SLC26A5: variants seen among roughly 807,000 people sequenced by gnomAD.
SLC26A5 encodes prestin.
Under a neutral mutation model 81.0 loss-of-function variants are expected in SLC26A5, and 51 were observed. The observed-to-expected ratio is 0.63, with a 90% CI of 0.50 to 0.80. SLC26A5 has a LOEUF of 0.80. Among genes scored for constraint, SLC26A5 ranks in the 30% least tolerant of loss-of-function variants. SLC26A5 has a pLI of 0.00. For missense variants in SLC26A5, 771 were observed against 905.8 expected, an observed-to-expected ratio of 0.85 and a Z score of 1.91; for synonymous variants, 325 against 332.8, an observed-to-expected ratio of 0.98 and a Z score of 0.25.
chr7:103,385,144 T>C (rs1039149473), intron 14 of SLC26A5, among the ~76,000 whole-genome samples: 7 of 151,384 alleles, frequency 4.6e-5, no homozygotes, highest in Admixed American at 1.3e-4. Flanking sequence ...TGCAGAATGA[T>C]GTGATTGTCT....
downstream of SLC26A5, among the ~76,000 whole-genome samples, chr7:103,370,717 G>A (rs189572923): frequency 6.6e-6 from 1 of 152,254 alleles, no homozygotes; most frequent in African/African-American, 2.4e-5. Flanking sequence ...CTAATACAGA[G>A]TCAGTGTCTA....
intron 2 of SLC26A5, among the ~76,000 whole-genome samples, chr7:103,422,387 G>A (rs887738374): frequency 2.6e-5 from 4 of 152,100 alleles, no homozygotes; most frequent in Non-Finnish European, 4.4e-5. Context: ...AAATTTCTGT[G>A]TCATCATCAA....
chr7:103,431,420 T>C (rs1244036133), intron 2 of SLC26A5, among the ~76,000 whole-genome samples: 1 of 151,988 alleles, frequency 6.6e-6, no homozygotes, highest in African/African-American at 2.4e-5. Context: ...CCTCCTGCAC[T>C]CGAGCTGTTC....
At chr7:103,402,393 C>CTTTTTTTTT (rs541398228) in intron 8 of SLC26A5, among the ~76,000 whole-genome samples, 1 of 124,518 alleles carries the variant, frequency 8.0e-6, no homozygotes, top group African/African-American at 3.0e-5. Flanking sequence ...ACGTATTGCT[C>CTTTTTTTTT]TTTTTTTTTT....
chr7:103,403,141 A>G (rs1823742579), intron 8 of SLC26A5, among the ~76,000 whole-genome samples: 1 of 152,188 alleles, frequency 6.6e-6, no homozygotes, highest in Non-Finnish European at 1.5e-5. Context: ...CCCAGTAGTC[A>G]TTCAGGAGCA....
At chr7:103,387,450 C>T (rs1822284278) in intron 14 of SLC26A5, among the ~76,000 whole-genome samples, 1 of 152,200 alleles carries the variant, frequency 6.6e-6, no homozygotes, top group South Asian at 2.1e-4. Flanking sequence ...TCATTTCCCT[C>T]TGTGTTAGAG....
In SLC26A5 at chr7:103,352,915, T is replaced by G. The variant is rs752064401; in HGVS notation, c.2053A>C (p.Arg685=). 19 of 780,878 alleles carry G rather than the reference T, an allele frequency of 2.4e-5. 1 individual carries two copies. Among genetic ancestry groups the G allele is most frequent in the South Asian group, 2.4e-4 (18 of 74,624 alleles). 48.4% of individuals were successfully genotyped at this position (780,878 alleles called of 1,614,324 possible). Residue 685 remains arginine (R), a synonymous_variant, in exon 20 of 20, where the codon AGA becomes CGA. Coordinates refer to the SLC26A5 transcript ENST00000339444. ...CTACGGTCTCCATCTTCTGGTCATC[T>G]CTGTATGAAAGCTGAAACAAGAGGG... is the stretch of plus-strand genomic sequence containing the variant.
At chr7:103,375,101 CAT>C (rs566346407) in intron 19 of SLC26A5, among the ~76,000 whole-genome samples, 1 of 145,584 alleles carries the variant, frequency 6.9e-6, no homozygotes, top group South Asian at 2.2e-4. Flanking sequence ...CATATATATA[CAT>C]ATATATATAA....
At chr7:103,401,345 G>A (rs1823572264) in intron 8 of SLC26A5, among the ~76,000 whole-genome samples, 2 of 152,132 alleles carry the variant, frequency 1.3e-5, no homozygotes, top group South Asian at 4.1e-4. Context: ...GTGAATGGGA[G>A]TTTGCTCATG....
intron 19 of SLC26A5, among the ~76,000 whole-genome samples, chr7:103,375,003 G>A (rs1461441024): frequency 1.4e-5 from 2 of 146,168 alleles, no homozygotes; most frequent in African/African-American, 5.0e-5. Context: ...TATATTTGGG[G>A]ATAAGAAAAG....
chr7:103,421,387 G>A lies in SLC26A5; in HGVS notation c.128C>T (p.Ala43Val), dbSNP rs375125710. ...CGTGAATGCCTGTTTCAGCTTATCC[G>A]CAATGGAATCAGGAACCTTGTCCTT... Reference protein sequence around the residue: ...HTKDKVPDSIADKLKQAFTCT... With the variant: ...HTKDKVPDSIVDKLKQAFTCT... Residue 43 changes from alanine (A) to valine (V), a missense_variant, in exon 3 of 20, where the codon GCG (alanine) becomes GTG (valine). By Grantham distance (64) the Ala-to-Val change is moderately conservative. Transcript: ENST00000306312. 30 of 1,613,942 alleles carry A rather than the reference G, an allele frequency of 1.9e-5. No individual in the cohort carries two copies. The highest frequency in any genetic ancestry group is 1.1e-4 in the South Asian group (10 of 91,080).
chr7:103,364,876 A>G (rs1258780999), intron 19 of SLC26A5, among the ~76,000 whole-genome samples: 1 of 151,164 alleles, frequency 6.6e-6, no homozygotes, highest in Non-Finnish European at 1.5e-5. Flanking sequence ...TTAATTAAAA[A>G]GTATACTTTT....
chr7:103,420,516 G>T (rs1323334517), intron 4 of SLC26A5, among the ~76,000 whole-genome samples: 2 of 151,910 alleles, frequency 1.3e-5, no homozygotes, highest in Non-Finnish European at 2.9e-5. Flanking sequence ...GCCCAGGCTG[G>T]TCTCCAACTC....
chr7:103,378,588 A>C, intron 16 of SLC26A5, 35 bp from the exon 17 acceptor site: 1 of 1,595,164 alleles, frequency 6.3e-7, no homozygotes. Flanking sequence ...AAATCACTTC[A>C]TGGCTCTCAG....
At chr7:103,391,324 T>C (rs1329985827) in intron 11 of SLC26A5, among the ~76,000 whole-genome samples, 3 of 152,270 alleles carry the variant, frequency 2.0e-5, no homozygotes, top group Non-Finnish European at 4.4e-5. Flanking sequence ...GATGGCATAC[T>C]GCCCATACTC....
chr7:103,356,485 T>G (rs1820038852), intron 19 of SLC26A5, among the ~76,000 whole-genome samples: 1 of 152,226 alleles, frequency 6.6e-6, no homozygotes, highest in Admixed American at 6.5e-5. Context: ...TCCATTTGTC[T>G]GATCAATGTA....
chr7:103,413,234 A>G, intron 4 of SLC26A5, 122 bp from the exon 5 acceptor site: 1 of 714,494 alleles, frequency 1.4e-6, no homozygotes, highest in Non-Finnish European at 2.5e-6. Flanking sequence ...TTAAGCTGCA[A>G]CCTGCCCTAC....
chr7:103,357,092 C>T (rs563582906), intron 19 of SLC26A5, among the ~76,000 whole-genome samples: 6 of 152,010 alleles, frequency 3.9e-5, no homozygotes, highest in African/African-American at 1.4e-4. Flanking sequence ...TTGGGAGGCC[C>T]AGGCAGGCAG....
chr7:103,365,333 T>A lies in SLC26A5; in HGVS notation c.2041+11475A>T, dbSNP rs1036261914. Among the ~76,000 whole-genome samples, 4 of 152,028 alleles carry A rather than the reference T, an allele frequency of 2.6e-5. No homozygotes were observed. In the East Asian group the frequency reaches 5.8e-4, roughly 22 times the overall value. On this transcript the variant is annotated intron_variant, in intron 19 of 19. Coordinates refer to the SLC26A5 transcript ENST00000339444. ...CTGGGGAGCAAACTTCAGTCTTTTT[T>A]AAAAAAAGTTTAGATAGGCCAGGCA... is the stretch of plus-strand genomic sequence containing the variant.
Sources: gnomAD v4.1 joint callset for allele counts (sites outside exome capture counted in the v4.1 genomes callset) on GRCh38, gnomAD v4.1.1 for gene constraint, MANE v1.5 for transcripts, NCBI Gene and HGNC (gene_info 2026-07-23, HGNC 2026-07-21) for gene names.